SMYD3: variants seen among roughly 807,000 people sequenced by gnomAD.
The protein encoded by SMYD3 is histone-lysine N-methyltransferase SMYD3.
Under a neutral mutation model 57.7 loss-of-function variants are expected in SMYD3, and 36 were observed. The observed-to-expected ratio is 0.62, with a 90% CI of 0.48 to 0.82. SMYD3 has a LOEUF of 0.82. Among genes scored for constraint, SMYD3 ranks in the 40% least tolerant of loss-of-function variants. The pLI, the probability that SMYD3 is intolerant of heterozygous loss-of-function variation, is 0.00. For synonymous variants in SMYD3, 211 were observed against 195.0 expected (o/e 1.08, Z -0.68); for missense variants, 515 against 538.8 (o/e 0.96, Z 0.44).
intron 10 of SMYD3, among the ~76,000 whole-genome samples, chr1:245,793,095 A>G (rs2791388): frequency 0.81 from 116,437 of 144,420 alleles, 47,348 homozygotes; most frequent in African/African-American, 0.89. Context: ...TGATCACGAA[A>G]TCAGGAGATC....
At chr1:246,504,029 T>C (rs923246679) in intron 1 of SMYD3, among the ~76,000 whole-genome samples, 1 of 150,760 alleles carries the variant, frequency 6.6e-6, no homozygotes, top group Non-Finnish European at 1.5e-5. Context: ...ACAACTTACA[T>C]ACTTCATTTT....
At chr1:246,060,077 G>C (rs1369138454) in intron 5 of SMYD3, among the ~76,000 whole-genome samples, 1 of 151,958 alleles carries the variant, frequency 6.6e-6, no homozygotes, top group Non-Finnish European at 1.5e-5. Flanking sequence ...CTTGAGCTCA[G>C]ACTCAGGATA....
chr1:245,850,487 T>A (rs752898365), intron 10 of SMYD3, among the ~76,000 whole-genome samples: 11 of 151,300 alleles, frequency 7.3e-5, no homozygotes, highest in Non-Finnish European at 1.5e-4. Flanking sequence ...GGCCCAGGAG[T>A]TCAAGACTAG....
Position 245,785,475 on chromosome 1 carries a change from C to T in SMYD3, c.1077-21326G>A, listed in dbSNP as rs2046997197. 2.0e-5 allele frequency among the ~76,000 whole-genome samples: 3 copies of T among 152,196 alleles called. No homozygotes were observed. In the South Asian group the frequency reaches 6.2e-4, roughly 32 times the overall value. On this transcript the variant is annotated intron_variant, in intron 10 of 11. Transcript: ENST00000490107. ...AATACTGTGCCTTTCACATGCTGCCCGCTAGGTGCTCAAAAGGCCAAAGAA... is the reference window on the plus strand; with the variant it reads ...AATACTGTGCCTTTCACATGCTGCCTGCTAGGTGCTCAAAAGGCCAAAGAA...
chr1:245,910,837 G>A (rs909229913), intron 8 of SMYD3, among the ~76,000 whole-genome samples: 2 of 152,002 alleles, frequency 1.3e-5, no homozygotes, highest in Admixed American at 1.3e-4. Flanking sequence ...ACATTGAGCT[G>A]GGCAACTACT....
chr1:245,969,323 C>A (rs2058236724), intron 5 of SMYD3, among the ~76,000 whole-genome samples: 1 of 150,970 alleles, frequency 6.6e-6, no homozygotes, highest in African/African-American at 2.5e-5. Context: ...ACAACTTCTA[C>A]TAACAATAAT....
intron 1 of SMYD3, among the ~76,000 whole-genome samples, chr1:246,445,925 A>G (rs2067545801): frequency 6.6e-6 from 1 of 152,206 alleles, no homozygotes; most frequent in South Asian, 2.1e-4. Context: ...GCAAGGCATT[A>G]CTGTACATCT....
intron 1 of SMYD3, among the ~76,000 whole-genome samples, chr1:246,407,454 T>C (rs1460112858): frequency 6.6e-6 from 1 of 152,220 alleles, no homozygotes. Context: ...ATGACCGCTC[T>C]CCTAGTGCCA....
At position 245,834,777 on chromosome 1, in the gene SMYD3, T is replaced by A. The variant is rs115871398; in HGVS notation, c.1076+23719A>T. ...CCTAGTGTCATTTAGGCCCAGGCTC[T>A]GCCTTGGCTATTGACAAGGTCTTTT... On this transcript the variant is annotated intron_variant, in intron 10 of 11. Coordinates refer to ENST00000490107, the MANE Select transcript of SMYD3 (RefSeq NM_001167740.2). 6.2e-3 allele frequency among the ~76,000 whole-genome samples: 948 copies of A among 152,324 alleles called. 14 individuals carry two copies. Among genetic ancestry groups the A allele is most frequent in the African/African-American group, 0.022 (894 of 41,576 alleles).
At chr1:245,944,529 T>C (rs2057369099) in intron 5 of SMYD3, among the ~76,000 whole-genome samples, 1 of 152,196 alleles carries the variant, frequency 6.6e-6, no homozygotes, top group Admixed American at 6.5e-5. Context: ...TGCTCATAGA[T>C]AGGAGAAATC....
chr1:246,230,605 G>A (rs1323622609), intron 5 of SMYD3, among the ~76,000 whole-genome samples: 2 of 152,106 alleles, frequency 1.3e-5, no homozygotes, highest in East Asian at 1.9e-4. Flanking sequence ...GACTACAGTC[G>A]CACACAGTCA....
intron 5 of SMYD3, among the ~76,000 whole-genome samples, chr1:246,234,279 A>T: frequency 6.7e-6 from 1 of 148,892 alleles, no homozygotes; most frequent in African/African-American, 2.5e-5. Context: ...CTCAATTCAC[A>T]CTGTGATGAA....
At chr1:246,193,850 C>T (rs947570970) in intron 5 of SMYD3, 1 of 152,228 alleles carries the variant, frequency 6.6e-6, no homozygotes, top group Non-Finnish European at 1.5e-5. Flanking sequence ...TAATTCTAGG[C>T]CTTCTTTTCT....
At chr1:245,835,990 G>C (rs955668376) in intron 10 of SMYD3, among the ~76,000 whole-genome samples, 1 of 152,144 alleles carries the variant, frequency 6.6e-6, no homozygotes, top group Non-Finnish European at 1.5e-5. Flanking sequence ...AGAGGGTCGA[G>C]AGACAACAAA....
chr1:246,208,401 A>G (rs539528962), intron 5 of SMYD3, among the ~76,000 whole-genome samples: 2 of 152,270 alleles, frequency 1.3e-5, no homozygotes, highest in East Asian at 3.9e-4. Flanking sequence ...CTACTCACTA[A>G]CACTTCATGA....
rs1170766174 is a variant in SMYD3 at position 246,507,272 on chromosome 1, C to G, written c.-55G>C. 3 of 1,439,184 alleles carry G rather than the reference C, an allele frequency of 2.1e-6. No homozygotes were observed. The highest frequency in any genetic ancestry group is 1.9e-4 in the Middle Eastern group (1 of 5,214). 89.2% of individuals were successfully genotyped at this position (1,439,184 alleles called of 1,614,324 possible). ...TACCCGCGTCCAGCAGCGGGCGTCTCACGGGCTGCCGGGACCCGCGCGCCT... is the reference window on the plus strand; with the variant it reads ...TACCCGCGTCCAGCAGCGGGCGTCTGACGGGCTGCCGGGACCCGCGCGCCT... On this transcript the variant is annotated 5_prime_UTR_variant, in exon 1 of 12. Transcript: ENST00000490107.
At chr1:245,817,032 G>T (rs995594977) in intron 10 of SMYD3, among the ~76,000 whole-genome samples, 6 of 151,390 alleles carry the variant, frequency 4.0e-5, no homozygotes, top group African/African-American at 1.5e-4. Context: ...GCTCGAACTG[G>T]GTGGAGCCCA....
At chr1:245,868,730 C>T (rs529268061) in intron 8 of SMYD3, among the ~76,000 whole-genome samples, 66 of 152,288 alleles carry the variant, frequency 4.3e-4, no homozygotes, top group African/African-American at 1.5e-3. Flanking sequence ...TAGCTATCAC[C>T]TCCCTGGAGT....
At chr1:246,312,002 T>C (rs2065088695) in intron 5 of SMYD3, among the ~76,000 whole-genome samples, 1 of 152,086 alleles carries the variant, frequency 6.6e-6, no homozygotes, top group Admixed American at 6.5e-5. Context: ...ATAAAGGCAA[T>C]GCAACAATGG....
Sources: gnomAD v4.1 joint callset for allele counts (sites outside exome capture counted in the v4.1 genomes callset) on GRCh38, gnomAD v4.1.1 for gene constraint, MANE v1.5 for transcripts, NCBI Gene and HGNC (gene_info 2026-07-23, HGNC 2026-07-21) for gene names.